TCF20: variants seen among roughly 807,000 people sequenced by gnomAD.
TCF20 encodes the protein transcription factor 20, also known as SPRE-binding protein.
A neutral mutation model predicts 148.6 loss-of-function variants in TCF20; 3 were observed. The ratio of observed to expected loss-of-function variants is 0.02; its 90% CI spans 0.01 to 0.05. The LOEUF is 0.05. Ranked by LOEUF, TCF20 falls within the 10% of genes least tolerant of loss-of-function variation. TCF20 has a pLI of 1.00. For missense variants in TCF20, 2,350 were observed against 2,429.3 expected (o/e 0.97, Z 0.69); for synonymous variants, 1,049 against 909.5 (o/e 1.15, Z -2.76).
chr22:42,224,534 C>CAAAAAAAAAAAA (rs66858906), intron 1 of TCF20, among the ~76,000 whole-genome samples: 1 of 39,566 alleles, frequency 2.5e-5, no homozygotes, highest in Non-Finnish European at 4.7e-5. Context: ...AAAGCTGGTA[C>CAAAAAAAAAAAA]AAAAAAAAAA....
chr22:42,193,650 T>A (rs1056389928), intron 2 of TCF20, among the ~76,000 whole-genome samples: 3 of 152,132 alleles, frequency 2.0e-5, no homozygotes, highest in Non-Finnish European at 4.4e-5. Context: ...TGTCTATTGT[T>A]AGGACAGATT....
chr22:42,214,944 G>T lies in TCF20; in HGVS notation c.362C>A (p.Pro121His), dbSNP rs1250624367. The T allele has an allele frequency of 1.9e-6, 3 of 1,614,108 alleles. No homozygotes were observed. In the Admixed American group the frequency reaches 5.0e-5, roughly 27 times the overall value. ...PSGPVQSYGP[P>H]QGSSFGNQYG... ...CTGATTGCCAAAGCTGCTCCCCTGGGGGGGTCCATAGCTCTGCACAGGCCC... is the reference window on the plus strand; with the variant it reads ...CTGATTGCCAAAGCTGCTCCCCTGGTGGGGTCCATAGCTCTGCACAGGCCC... Residue 121 changes from proline (P) to histidine (H), a missense_variant, in exon 2 of 6, where the codon CCC becomes CAC. Transcript: ENST00000677622.
chr22:42,322,408 T>C (rs1382952760), intron 1 of TCF20, among the ~76,000 whole-genome samples: 1 of 151,772 alleles, frequency 6.6e-6, no homozygotes, highest in African/African-American at 2.4e-5. Flanking sequence ...GGGGGTCTGC[T>C]GGAAGTTGTC....
At chr22:42,226,851 AAAAGG>A (rs1235206314) in intron 1 of TCF20, among the ~76,000 whole-genome samples, 7 of 152,236 alleles carry the variant, frequency 4.6e-5, no homozygotes, top group Non-Finnish European at 8.8e-5. Flanking sequence ...AGCTCAAAAC[AAAAGG>A]AAAGAAACAA....
intron 1 of TCF20, among the ~76,000 whole-genome samples, chr22:42,269,533 T>C (rs1926476322): frequency 6.6e-6 from 1 of 152,112 alleles, no homozygotes; most frequent in Non-Finnish European, 1.5e-5. Flanking sequence ...CGCCGTAGCC[T>C]GAGAGGGATC....
intron 1 of TCF20, among the ~76,000 whole-genome samples, chr22:42,244,165 C>T (rs1278754988): frequency 2.6e-5 from 4 of 152,216 alleles, no homozygotes; most frequent in Non-Finnish European, 2.9e-5. Context: ...GATCATGCCA[C>T]TGCCCTCCAG....
intron 1 of TCF20, among the ~76,000 whole-genome samples, chr22:42,230,198 A>C (rs1025129301): frequency 6.6e-6 from 1 of 152,242 alleles, no homozygotes. Context: ...CACGTGCTAC[A>C]TAACACATTT....
intron 1 of TCF20, among the ~76,000 whole-genome samples, chr22:42,277,580 T>G (rs1926807985): frequency 6.6e-6 from 1 of 151,874 alleles, no homozygotes; most frequent in Non-Finnish European, 1.5e-5. Context: ...ACAAGTAGAT[T>G]TCCAGGAAGG....
At chr22:42,300,993 T>C (rs1601698713) in intron 1 of TCF20, among the ~76,000 whole-genome samples, 1 of 151,746 alleles carries the variant, frequency 6.6e-6, no homozygotes, top group Admixed American at 6.6e-5. Flanking sequence ...GATAGAGAGG[T>C]GTGGCCTCCA....
In TCF20 at chr22:42,212,075, T is replaced by C. The variant is rs775455439; in HGVS notation, c.3231A>G (p.Ala1077=). 6.8e-6 allele frequency: 11 copies of C among 1,614,030 alleles called. No homozygotes were observed. Among genetic ancestry groups the C allele is most frequent in the Admixed American group, 1.7e-5 (1 of 59,996 alleles). The change falls in exon 2 of 6, where the codon GCA becomes GCG. Residue 1077 remains alanine (A), a synonymous_variant. Coordinates refer to ENST00000677622, the MANE Select transcript of TCF20 (RefSeq NM_001378418.1). ...TATAATGCAGCTGAGAATTCAAACC[T>C]GCGTTAGGGTCCCCATAAGCATGAG... is the stretch of plus-strand genomic sequence containing the variant. ...TRAHAYGDPN[A]GLNSQLHYKR... is the part of the protein sequence containing the mutation.
chr22:42,224,011 T>G (rs111538695), intron 1 of TCF20, among the ~76,000 whole-genome samples: 14 of 152,256 alleles, frequency 9.2e-5, no homozygotes, highest in African/African-American at 3.1e-4. Context: ...AATTCGCAAG[T>G]CAGTTCCTTG....
chr22:42,236,685 C>G (rs1923916503), intron 1 of TCF20, among the ~76,000 whole-genome samples: 2 of 152,122 alleles, frequency 1.3e-5, no homozygotes, highest in Non-Finnish European at 2.9e-5. Flanking sequence ...ATAAAAAAGT[C>G]AAAGAGACAC....
At chr22:42,295,593 A>G (rs1459444333) in intron 1 of TCF20, among the ~76,000 whole-genome samples, 5 of 151,642 alleles carry the variant, frequency 3.3e-5, no homozygotes, top group East Asian at 1.9e-4. Context: ...ACAGGCAGGC[A>G]CCACCACGCC....
intron 1 of TCF20, among the ~76,000 whole-genome samples, chr22:42,228,595 C>A (rs546648136): frequency 2.0e-5 from 3 of 152,268 alleles, no homozygotes; most frequent in African/African-American, 7.2e-5. Flanking sequence ...AAACACTGCA[C>A]CATTTGTGAA....
chr22:42,185,642 C>G (rs1937008515), intron 2 of TCF20, among the ~76,000 whole-genome samples: 1 of 152,206 alleles, frequency 6.6e-6, no homozygotes, highest in African/African-American at 2.4e-5. Flanking sequence ...AGCTACCCTT[C>G]AAGGCCCTGT....
Position 42,331,209 on chromosome 22 carries a change from C to G in TCF20, c.-37+12270G>C, listed in dbSNP as rs1015611868. Among the ~76,000 whole-genome samples the G allele has an allele frequency of 6.6e-5, 10 of 152,226 alleles. 1 individual carries two copies. Among genetic ancestry groups the G allele is most frequent in the African/African-American group, 2.4e-4 (10 of 41,462 alleles). On this transcript the variant is annotated intron_variant, in intron 1 of 1. Coordinates refer to the TCF20 transcript ENST00000515426. ...GACTGTCAACCTGAACTAATCAAAC[C>G]CGGCCCCAGGACACCCGCCCGCCTG...
At chr22:42,180,198 G>T (rs762448778) in intron 2 of TCF20, among the ~76,000 whole-genome samples, 1 of 152,262 alleles carries the variant, frequency 6.6e-6, no homozygotes, top group East Asian at 1.9e-4. Flanking sequence ...TTTGTAAGAA[G>T]ATTTTATTTT....
chr22:42,169,749 G>A (rs1361450592), intron 4 of TCF20, 98 bp downstream of exon 4: 1 of 1,284,586 alleles, frequency 7.8e-7, no homozygotes. Flanking sequence ...GTGGGGACAG[G>A]TGTGGGTGAG....
Position 42,210,040 on chromosome 22 carries a change from C to T in TCF20, c.5266G>A (p.Ala1756Thr). Reference protein sequence around the residue: ...QSKVKVRHKSASNGSKTDTEE... With the variant: ...QSKVKVRHKSTSNGSKTDTEE... ...GTGTCCGTCTTGGAGCCATTAGAAGCACTTTTGTGCCGTACCTTAACTTTG... is the reference window on the plus strand; with the variant it reads ...GTGTCCGTCTTGGAGCCATTAGAAGTACTTTTGTGCCGTACCTTAACTTTG... The change falls in exon 2 of 6, where the codon GCT becomes ACT. Residue 1756 changes from alanine (A) to threonine (T), a missense_variant. Around this residue, in one of 7 missense-constraint regions of TCF20, gnomAD observed 374 missense variants for 398.3 expected, o/e 0.94. Coordinates refer to ENST00000677622, the MANE Select transcript of TCF20 (RefSeq NM_001378418.1). The surrounding 1 kb of genome is among the most constrained non-coding windows in gnomAD (Gnocchi z 4.7). 6.2e-7 allele frequency: 1 copy of T among 1,612,990 alleles called. No homozygotes were observed. Among genetic ancestry groups the T allele is most frequent in the Non-Finnish European group, 8.5e-7 (1 of 1,180,034 alleles).
Sources: gnomAD v4.1 joint callset for allele counts (sites outside exome capture counted in the v4.1 genomes callset) on GRCh38, gnomAD v4.1.1 for gene constraint, gnomAD v4.1.1 regional missense constraint, Gnocchi (gnomAD v3.1) non-coding constraint, MANE v1.5 for transcripts, NCBI Gene and HGNC (gene_info 2026-07-23, HGNC 2026-07-21) for gene names.